USP54: variants seen among roughly 807,000 people sequenced by gnomAD.
USP54 encodes ubiquitin carboxyl-terminal hydrolase 54.
In USP54, 87 loss-of-function variants were observed where a neutral mutation model predicts 170.5. The observed-to-expected ratio is 0.51, with a 90% CI of 0.43 to 0.61. The LOEUF (loss-of-function observed/expected upper bound fraction) is 0.61. USP54 is among the 20% of genes least tolerant of loss of function. The pLI, the probability that USP54 is intolerant of heterozygous loss-of-function variation, is 0.00. For synonymous variants in USP54, 655 were observed against 742.8 expected, an observed-to-expected ratio of 0.88 and a Z score of 1.92; for missense variants, 1,786 against 2,047.8, an observed-to-expected ratio of 0.87 and a Z score of 2.47.
intron 1 of USP54, among the ~76,000 whole-genome samples, chr10:73,598,650 A>G (rs1429645919): frequency 6.6e-6 from 1 of 151,726 alleles, no homozygotes; most frequent in East Asian, 1.9e-4. Flanking sequence ...AGCGGCTCAC[A>G]CCTGTAATCC....
At chr10:73,521,851 G>A (rs150126727) in intron 17 of USP54, among the ~76,000 whole-genome samples, 84 of 152,246 alleles carry the variant, frequency 5.5e-4, no homozygotes, top group African/African-American at 1.9e-3. Flanking sequence ...AAACAATACC[G>A]GATGAAAAGG....
intron 1 of USP54, among the ~76,000 whole-genome samples, chr10:73,581,491 A>G (rs543217190): frequency 9.2e-5 from 14 of 152,144 alleles, no homozygotes; most frequent in African/African-American, 3.1e-4. Flanking sequence ...AAGCTTCAGG[A>G]CTCTTTCTCT....
In USP54 at chr10:73,497,634, T is replaced by A. The variant is rs112252554; in HGVS notation, c.*995A>T. 30 of 152,350 alleles carry A rather than the reference T, an allele frequency of 2.0e-4. No individual in the cohort carries two copies. Among genetic ancestry groups the A allele is most frequent in the African/African-American group, 7.2e-4 (30 of 41,460 alleles). 9.4% of individuals were successfully genotyped at this position (152,350 alleles called of 1,614,324 possible). On this transcript the variant is annotated 3_prime_UTR_variant, in exon 24 of 24. Coordinates refer to ENST00000687698, the MANE Select transcript of USP54 (RefSeq NM_001391956.1). ...GTTCAGCTGACTCTGAGGGTTTACA[T>A]TGACGACTGAGCAAGTGGCAATAAT...
intron 1 of USP54, among the ~76,000 whole-genome samples, chr10:73,584,904 G>T (rs1214967499): frequency 6.6e-6 from 1 of 151,994 alleles, no homozygotes; most frequent in Admixed American, 6.6e-5. Flanking sequence ...TGCTACTAAG[G>T]TTCAGATCCT....
At chr10:73,604,131 C>G (rs2079426465) in intron 1 of USP54, among the ~76,000 whole-genome samples, 1 of 151,744 alleles carries the variant, frequency 6.6e-6, no homozygotes, top group Admixed American at 6.6e-5. Flanking sequence ...CACCTGTAGT[C>G]CCAGCTACTC....
chr10:73,575,835 A>G lies in USP54; in HGVS notation c.-55T>C. ...ATCTGTGTAGTCAAGGGACTCAGGT[A>G]TCCTCCTAGATCAAGATGACAGAGC... On this transcript the variant is annotated 5_prime_UTR_variant, in exon 2 of 24. Transcript: ENST00000687698. 1 of 619,144 alleles carries G rather than the reference A, an allele frequency of 1.6e-6. No homozygotes were observed. The highest frequency in any genetic ancestry group is 3.4e-5 in the South Asian group (1 of 29,398). 38.4% of individuals were successfully genotyped at this position (619,144 alleles called of 1,614,324 possible).
At chr10:73,557,610 C>T (rs994751533) in intron 4 of USP54, among the ~76,000 whole-genome samples, 4 of 151,884 alleles carry the variant, frequency 2.6e-5, no homozygotes, top group East Asian at 2.0e-4. Flanking sequence ...CTCAGCCTCC[C>T]GAGTAGCTGG....
intron 4 of USP54, among the ~76,000 whole-genome samples, chr10:73,562,846 C>G (rs2073380503): frequency 1.3e-5 from 2 of 152,142 alleles, no homozygotes; most frequent in African/African-American, 4.8e-5. Flanking sequence ...GGTACAAGTT[C>G]AATTCTACTA....
chr10:73,580,483 C>A (rs766012260), intron 1 of USP54, among the ~76,000 whole-genome samples: 1 of 151,862 alleles, frequency 6.6e-6, no homozygotes, highest in Non-Finnish European at 1.5e-5. Flanking sequence ...GATTATGGGA[C>A]TTACCTTATT....
At chr10:73,562,786 G>A (rs2073367174) in intron 4 of USP54, among the ~76,000 whole-genome samples, 1 of 152,134 alleles carries the variant, frequency 6.6e-6, no homozygotes, top group South Asian at 2.1e-4. Flanking sequence ...TATGTATCAA[G>A]AAGTTTTCTA....
At position 73,521,782 on chromosome 10, in the gene USP54, G is replaced by C. The variant is rs186061677; in HGVS notation, c.2363-755C>G. 1.9e-4 allele frequency among the ~76,000 whole-genome samples: 29 copies of C among 152,320 alleles called. No individual in the cohort carries two copies. The East Asian group carries it at 5.6e-3, about 29-fold the overall frequency. On this transcript the variant is annotated intron_variant, in intron 17 of 23. Coordinates refer to ENST00000687698, the MANE Select transcript of USP54 (RefSeq NM_001391956.1). ...GTCACCTTCCCATACAGCAAGCAGG[G>C]AATATTCCATCCTCCTCTCAAAGTG...
At chr10:73,549,264 C>G (rs2068657175) in intron 4 of USP54, among the ~76,000 whole-genome samples, 1 of 152,210 alleles carries the variant, frequency 6.6e-6, no homozygotes, top group South Asian at 2.1e-4. Context: ...TTTACATACA[C>G]ATACATTGAC....
At position 73,523,578 on chromosome 10, in the gene USP54, A is replaced by G; in HGVS notation, c.2362+5T>C. ...CACCCACAACCTAATGCTCACAACA[A>G]TTACCCTGATTCTGCAGTTCATCCA... On this transcript the variant is annotated splice_donor_5th_base_variant and intron_variant, in intron 17 of 23. Coordinates refer to ENST00000687698, the MANE Select transcript of USP54 (RefSeq NM_001391956.1). 1 of 1,594,090 alleles carries G rather than the reference A, an allele frequency of 6.3e-7. No individual in the cohort carries two copies. The highest frequency in any genetic ancestry group is 2.2e-5 in the East Asian group (1 of 44,640).
At chr10:73,605,197 T>C (rs568229483) in intron 1 of USP54, among the ~76,000 whole-genome samples, 37 of 152,290 alleles carry the variant, frequency 2.4e-4, no homozygotes, top group African/African-American at 8.7e-4. Flanking sequence ...CACCTCTCAC[T>C]GGGACTACAG....
intron 4 of USP54, among the ~76,000 whole-genome samples, chr10:73,564,901 CAAAAAAAAA>C (rs199823108): frequency 7.5e-5 from 5 of 66,460 alleles, no homozygotes; most frequent in African/African-American, 3.0e-4. Flanking sequence ...TCATCTCTAC[CAAAAAAAAA>C]AAAAAAAAAA....
chr10:73,524,654 C>T (rs773267173), intron 16 of USP54, among the ~76,000 whole-genome samples: 21 of 152,148 alleles, frequency 1.4e-4, no homozygotes, highest in Non-Finnish European at 2.6e-4. Flanking sequence ...TTACGCTGAA[C>T]ATTTGTTCAG....
chr10:73,598,041 C>T (rs532994726), intron 1 of USP54, among the ~76,000 whole-genome samples: 14 of 142,400 alleles, frequency 9.8e-5, no homozygotes, highest in African/African-American at 3.3e-4. Context: ...GCCGAGATCA[C>T]GCCACTGCAC....
chr10:73,499,323 G>T, intron 23 of USP54, 135 bp from the exon 24 acceptor site: 1 of 903,226 alleles, frequency 1.1e-6, no homozygotes, highest in Non-Finnish European at 1.7e-6. Flanking sequence ...AATGAATCAA[G>T]CTGTGCTTTT....
rs759763383 is a variant in USP54 at position 73,543,182 on chromosome 10, T to C, written c.376-51A>G. ...ATACCAACAATATTTAATAGACAAA[T>C]ACATAAATTGGTAAGCAGCTTACCC... is the stretch of plus-strand genomic sequence containing the variant. On this transcript the variant is annotated intron_variant, in intron 5 of 23. Coordinates refer to ENST00000687698, the MANE Select transcript of USP54 (RefSeq NM_001391956.1). The C allele has an allele frequency of 5.4e-6, 7 of 1,293,926 alleles. No homozygotes were observed. The African/African-American group carries it at 1.0e-4, about 19-fold the overall frequency. The allele number at this position is 1,293,926 out of a possible 1,614,324, so 80.2% of individuals were successfully genotyped here. A position where few individuals can be genotyped will look rare whatever the true frequency, so the allele number is the denominator to read the frequency against.
Sources: allele counts gnomAD v4.1 joint callset (sites outside exome capture counted in the v4.1 genomes callset), GRCh38; gene constraint gnomAD v4.1.1; transcripts MANE v1.5; gene names NCBI Gene and HGNC (gene_info 2026-07-23, HGNC 2026-07-21).